CARNS1: variants seen among roughly 807,000 people sequenced by gnomAD.
The protein encoded by CARNS1 is ATP-grasp domain containing 1.
CARNS1 carries 61 observed loss-of-function variants against 74.0 expected under a neutral mutation model. The observed-to-expected ratio is 0.82, with a 90% confidence interval of 0.67 to 1.02. The LOEUF is 1.02. CARNS1 is among the 50% of genes least tolerant of loss of function. The pLI is 0.00. For synonymous variants in CARNS1, 568 were observed against 605.5 expected (o/e 0.94, Z 0.91); for missense variants, 1,278 against 1,308.4 (o/e 0.98, Z 0.36).
chr11:67,420,990 T>C lies in CARNS1; in HGVS notation c.1397T>C (p.Leu466Pro), dbSNP rs1863681109. The C allele has an allele frequency of 1.8e-5, 26 of 1,424,826 alleles. No homozygotes were observed. The highest frequency in any genetic ancestry group is 2.4e-5 in the Non-Finnish European group (26 of 1,092,426). 88.3% of individuals were successfully genotyped at this position (1,424,826 alleles called of 1,614,324 possible). A position where few individuals can be genotyped will look rare whatever the true frequency, so the allele number is the denominator to read the frequency against. ...GGCGGCGTGCTGACCCCAGTGGCCCTGGAGCTGAACGGCGGCCTGTGTCTG... is the reference window on the plus strand; with the variant it reads ...GGCGGCGTGCTGACCCCAGTGGCCCCGGAGCTGAACGGCGGCCTGTGTCTG... ...AAGGVLTPVA[L>P]ELNGGLCLEA... The change falls in exon 9 of 10, where the codon CTG becomes CCG. Residue 466 changes from leucine (L) to proline (P), a missense_variant. This residue lies in a region of CARNS1 where 1,164 missense variants were observed against 1,156.5 expected (regional missense o/e 1.01). Transcript: ENST00000687366.
At chr11:67,420,885 G>C in intron 8 of CARNS1, 45 bp downstream of exon 8, 11 of 1,317,932 alleles carry the variant, frequency 8.3e-6, no homozygotes, top group Non-Finnish European at 1.1e-5. Flanking sequence ...CGAGGGCCAG[G>C]GGCTGGAGGG....
At chr11:67,420,583 C>G in intron 7 of CARNS1, 26 bp from the exon 8 acceptor site, 1 of 1,222,220 alleles carries the variant, frequency 8.2e-7, no homozygotes, top group Non-Finnish European at 1.0e-6. Context: ...GTGTGTGGGC[C>G]TCCCCCTGAG....
intron 2 of CARNS1, chr11:67,416,726 G>T: frequency 1.0e-6 from 1 of 986,384 alleles, no homozygotes; most frequent in Non-Finnish European, 1.2e-6. Flanking sequence ...CCATTCACAC[G>T]AAGCCTCCCA....
At position 67,417,659 on chromosome 11, in the gene CARNS1, G is replaced by C; in HGVS notation, c.256G>C (p.Gly86Arg). ...TGGCCTTCCGGAGACTCAGGACCGCGGCCAGGTGCCCCGCACAGGTGCCCA... is the reference window on the plus strand; with the variant it reads ...TGGCCTTCCGGAGACTCAGGACCGCCGCCAGGTGCCCCGCACAGGTGCCCA... ...QAGLPETQDR[G>R]QVPRTGCPGA... Residue 86 changes from glycine (G) to arginine (R), a missense_variant, in exon 3 of 10, where the codon GGC becomes CGC. Physicochemically the swap from Gly to Arg is moderately radical, Grantham distance 125. This residue lies in a region of CARNS1 where 104 missense variants were observed against 127.3 expected (regional missense o/e 0.82). Coordinates refer to ENST00000687366, the MANE Select transcript of CARNS1 (RefSeq NM_001166222.2). 1.6e-6 allele frequency: 2 copies of C among 1,266,502 alleles called. No individual in the cohort carries two copies. The highest frequency in any genetic ancestry group is 2.0e-6 in the Non-Finnish European group (2 of 1,004,262). 78.5% of individuals were successfully genotyped at this position (1,266,502 alleles called of 1,614,324 possible).
At chr11:67,416,027 CG>C in intron 1 of CARNS1, 148 bp from the exon 2 acceptor site, 1 of 654,310 alleles carries the variant, frequency 1.5e-6, no homozygotes, top group Non-Finnish European at 2.8e-6. Flanking sequence ...TCCCTACCTT[CG>C]GGGTGGGGGT....
chr11:67,422,689 A>G (rs1014371126), intron 9 of CARNS1, among the ~76,000 whole-genome samples: 1 of 152,118 alleles, frequency 6.6e-6, no homozygotes, highest in Non-Finnish European at 1.5e-5. Flanking sequence ...AGCTGGCCCT[A>G]ATCTAGCACA....
rs1425699388 is a variant in CARNS1 at position 67,419,730 on chromosome 11, T to C, written c.1028-23T>C. On this transcript the variant is annotated intron_variant, in intron 6 of 9. Coordinates refer to ENST00000687366, the MANE Select transcript of CARNS1 (RefSeq NM_001166222.2). ...CCTTCTGGCCACTCTGTGCTGGCCT[T>C]AGACCTCCCCGTCTTCCCCCAGATG... 6.3e-6 allele frequency: 10 copies of C among 1,597,116 alleles called. No homozygotes were observed. In the African/African-American group the frequency reaches 1.3e-4, roughly 21 times the overall value.
Position 67,417,620 on chromosome 11 carries a change from T to C in CARNS1, c.217T>C (p.Cys73Arg). The C allele has an allele frequency of 1.6e-6, 2 of 1,276,834 alleles. No homozygotes were observed. The highest frequency in any genetic ancestry group is 2.0e-6 in the Non-Finnish European group (2 of 1,009,638). 79.1% of individuals were successfully genotyped at this position (1,276,834 alleles called of 1,614,324 possible). The change falls in exon 3 of 10, where the codon TGT (cysteine) becomes CGT (arginine). Residue 73 changes from cysteine (C) to arginine (R), a missense_variant. This residue lies in a region of CARNS1 where 104 missense variants were observed against 127.3 expected (regional missense o/e 0.82). Coordinates refer to ENST00000687366, the MANE Select transcript of CARNS1 (RefSeq NM_001166222.2). Reference protein sequence around the residue: ...TVYYYSLLQSCLQQAGLPETQ... With the variant: ...TVYYYSLLQSRLQQAGLPETQ... ...CTACTACTACAGCCTCCTGCAGAGC[T>C]GTCTGCAGCAAGCTGGCCTTCCGGA...
intron 1 of CARNS1, 172 bp from the exon 2 acceptor site, chr11:67,416,004 C>T (rs912369341): frequency 7.0e-5 from 44 of 630,670 alleles, no homozygotes; most frequent in Non-Finnish European, 1.0e-4. Flanking sequence ...TCGGTCTGGG[C>T]AGCAGAAATC....
chr11:67,422,107 C>T (rs977113226), intron 9 of CARNS1, among the ~76,000 whole-genome samples: 13 of 148,326 alleles, frequency 8.8e-5, no homozygotes, highest in South Asian at 2.2e-4. Flanking sequence ...CTCCTGACCT[C>T]GTGATCCACC....
chr11:67,419,506 G>T lies in CARNS1; in HGVS notation c.872G>T (p.Gly291Val), dbSNP rs762270521. 1 of 1,611,700 alleles carries T rather than the reference G, an allele frequency of 6.2e-7. No individual in the cohort carries two copies. Among genetic ancestry groups the T allele is most frequent in the Middle Eastern group, 1.7e-4 (1 of 6,024 alleles). The change falls in exon 6 of 10, where the codon GGC (glycine) becomes GTC (valine). Residue 291 changes from glycine (G) to valine (V), a missense_variant. Physicochemically the swap from Gly to Val is moderately radical, Grantham distance 109. Coordinates refer to ENST00000687366, the MANE Select transcript of CARNS1 (RefSeq NM_001166222.2). ...CTGCAGGTAGCTGTGAAGCTCAGTG[G>T]CTGGCGCTGGCGGGGGCGGCAGGCA... is the stretch of plus-strand genomic sequence containing the variant. ...DILQVAVKLS[G>V]WRWRGRQAWR...
Position 67,417,462 on chromosome 11 carries a change from TGGA to T in CARNS1, c.63_65del (p.Glu23del). 1 of 1,447,500 alleles carries T rather than the reference TGGA, an allele frequency of 6.9e-7. No homozygotes were observed. The highest frequency in any genetic ancestry group is 1.4e-5 in the South Asian group (1 of 72,098). 89.7% of individuals were successfully genotyped at this position (1,447,500 alleles called of 1,614,324 possible). ...GATTGCCCACTGGGCTCCAAGGACCTGGAGGAAGAGGGCCCCTGGGGAGGGGGC... is the reference window on the plus strand; with the variant it reads ...GATTGCCCACTGGGCTCCAAGGACCTGGAAGAGGGCCCCTGGGGAGGGGGC... On this transcript the variant is annotated inframe_deletion, in exon 3 of 10. Transcript: ENST00000687366.
Position 67,423,966 on chromosome 11 carries a change from TTTGGTGGGCGG to T in CARNS1, c.2222_2232del (p.Gly741AlafsTer18). The stretch of plus-strand genomic sequence containing the variant: ...CGAGCACGACGTGGACCTGGTGTTG[TTTGGTGGGCGG>T]TTGCTGGCTGCCTTTGTCTCCGACA... On this transcript the variant is annotated frameshift_variant, in exon 10 of 10. Transcript: ENST00000687366. LOFTEE classifies it high-confidence loss of function. This position sits in a 1 kb window ranked among gnomAD's most constrained non-coding sequence, Gnocchi z 5.1. The T allele has an allele frequency of 6.2e-7, 1 of 1,613,496 alleles. No homozygotes were observed. The highest frequency in any genetic ancestry group is 8.5e-7 in the Non-Finnish European group (1 of 1,179,812).
intron 7 of CARNS1, 115 bp from the exon 8 acceptor site, chr11:67,420,494 G>A (rs1194549578): frequency 3.6e-6 from 2 of 553,946 alleles, no homozygotes; most frequent in Non-Finnish European, 5.4e-6. Flanking sequence ...GTTGGAGGAC[G>A]GGGCTTCTTG....
chr11:67,424,067 A>C lies in CARNS1; in HGVS notation c.2319A>C (p.Pro773=). ...CCTGCATGCCCACCGGGCTGGCACCAGAGCAGGAGGCACAGATGGTTCAGG... is the reference window on the plus strand; with the variant it reads ...CCTGCATGCCCACCGGGCTGGCACCCGAGCAGGAGGCACAGATGGTTCAGG... The part of the protein sequence containing the change: ...TAACMPTGLA[P]EQEAQMVQAA... The change falls in exon 10 of 10, where the codon CCA becomes CCC. Residue 773 remains proline, a synonymous_variant. Transcript: ENST00000687366. 1 of 1,613,308 alleles carries C rather than the reference A, an allele frequency of 6.2e-7. No homozygotes were observed. Among genetic ancestry groups the C allele is most frequent in the East Asian group, 2.2e-5 (1 of 44,882 alleles).
At position 67,420,620 on chromosome 11, in the gene CARNS1, C is replaced by A; in HGVS notation, c.1125C>A (p.Gly375=). Residue 375 remains glycine, a synonymous_variant, in exon 8 of 10, where the codon GGC becomes GGA. Coordinates refer to ENST00000687366, the MANE Select transcript of CARNS1 (RefSeq NM_001166222.2). ...CTCCCCCTGCCCAGGTGGTGTGCGG[C>A]GTGGGCCGCGGGGACCGCCCTCTAC... The part of the protein sequence containing the change: ...DRPLLSKVVC[G]VGRGDRPLRH... 8.1e-7 allele frequency: 1 copy of A among 1,239,542 alleles called. No homozygotes were observed. 76.8% of individuals were successfully genotyped at this position (1,239,542 alleles called of 1,614,324 possible).
intron 9 of CARNS1, among the ~76,000 whole-genome samples, chr11:67,422,947 A>G (rs1306802064): frequency 6.6e-6 from 1 of 152,238 alleles, no homozygotes; most frequent in Non-Finnish European, 1.5e-5. Context: ...GTGTCAGAGC[A>G]CATGGGGTGA....
At position 67,420,930 on chromosome 11, in the gene CARNS1, C is replaced by A. The variant is rs1378680302; in HGVS notation, c.1346-9C>A. The A allele has an allele frequency of 4.3e-6, 6 of 1,379,878 alleles. No homozygotes were observed. Among genetic ancestry groups the A allele is most frequent in the South Asian group, 1.5e-5 (1 of 64,952 alleles). The allele number at this position is 1,379,878 out of a possible 1,614,324, so 85.5% of individuals were successfully genotyped here. A position where few individuals can be genotyped will look rare whatever the true frequency, so the allele number is the denominator to read the frequency against. ...CCGTAGCTGAGCTCGCGCCTCCCGCCCGGCGCAGGCGTGGATTTCGCGCTG... is the reference window on the plus strand; with the variant it reads ...CCGTAGCTGAGCTCGCGCCTCCCGCACGGCGCAGGCGTGGATTTCGCGCTG... On this transcript the variant is annotated splice_polypyrimidine_tract_variant and intron_variant, in intron 8 of 9. Coordinates refer to ENST00000687366, the MANE Select transcript of CARNS1 (RefSeq NM_001166222.2).
In CARNS1 at chr11:67,425,063, C is replaced by A. The variant is rs1186742012; in HGVS notation, c.*462C>A. On this transcript the variant is annotated 3_prime_UTR_variant, in exon 10 of 10. Transcript: ENST00000687366. ...GACTAGAACCCTTGTCTTCCTCTTA[C>A]CCAAATTCTAGGATAGCTCTGAAGC... The A allele has an allele frequency of 8.7e-6, 4 of 461,604 alleles. No homozygotes were observed. The highest frequency in any genetic ancestry group is 2.0e-5 in the African/African-American group (1 of 50,304). The allele number at this position is 461,604 out of a possible 1,614,324, so 28.6% of individuals were successfully genotyped here.
Sources: gnomAD v4.1 joint callset for allele counts (sites outside exome capture counted in the v4.1 genomes callset) on GRCh38, gnomAD v4.1.1 for gene constraint, gnomAD v4.1.1 regional missense constraint, Gnocchi (gnomAD v3.1) non-coding constraint, MANE v1.5 for transcripts, NCBI Gene and HGNC (gene_info 2026-07-23, HGNC 2026-07-21) for gene names.